The following BCAS3 variants were observed in gnomAD, a reference collection of about 807,000 sequenced individuals.
BCAS3 encodes BCAS3 microtubule associated cell migration factor.
Under a neutral mutation model 116.1 loss-of-function variants are expected in BCAS3, and 53 were observed. That is an observed-to-expected ratio of 0.46 (90% confidence interval 0.37 to 0.57). BCAS3 has a LOEUF of 0.57. Ranked by LOEUF, BCAS3 falls within the 20% of genes least tolerant of loss-of-function variation. The pLI is 0.00. For synonymous variants in BCAS3, 391 were observed against 408.2 expected (o/e 0.96, Z 0.51); for missense variants, 917 against 1,165.4 (o/e 0.79, Z 3.10).
intron 20 of BCAS3, among the ~76,000 whole-genome samples, chr17:61,075,778 T>C (rs966831992): frequency 1.3e-5 from 2 of 152,222 alleles, no homozygotes; most frequent in Admixed American, 1.3e-4. Context: ...ATTGGAAATA[T>C]AACATTCCAC....
rs180759331 is a variant in BCAS3 at position 61,349,135 on chromosome 17, G to T, written c.2426-19192G>T. Among the ~76,000 whole-genome samples, 1 of 152,292 alleles carries T rather than the reference G, an allele frequency of 6.6e-6. No homozygotes were observed. The highest frequency in any genetic ancestry group is 2.4e-5 in the African/African-American group (1 of 41,562). On this transcript the variant is annotated intron_variant, in intron 22 of 23. Transcript: ENST00000407086. This position sits in a 1 kb window ranked among gnomAD's most constrained non-coding sequence, Gnocchi z 4.7. Reference sequence around the variant, plus strand: ...CCCAAAATCCCTGGATAAGAATCCAGTCCTACCCTAGAATCACTGTGCTGG... The same window carrying T: ...CCCAAAATCCCTGGATAAGAATCCATTCCTACCCTAGAATCACTGTGCTGG...
intron 23 of BCAS3, among the ~76,000 whole-genome samples, chr17:61,371,687 A>G (rs1403010902): frequency 6.6e-6 from 1 of 152,192 alleles, no homozygotes; most frequent in African/African-American, 2.4e-5. Flanking sequence ...CATGATAAAT[A>G]TATATAATTT....
At chr17:60,916,695 G>A (rs1021034798) in intron 12 of BCAS3, among the ~76,000 whole-genome samples, 3 of 152,040 alleles carry the variant, frequency 2.0e-5, no homozygotes, top group Non-Finnish European at 4.4e-5. Flanking sequence ...AAAAAATGGG[G>A]ACATAAATTG....
At chr17:60,906,630 C>T (rs529587663) in intron 11 of BCAS3, among the ~76,000 whole-genome samples, 20 of 152,246 alleles carry the variant, frequency 1.3e-4, no homozygotes, top group African/African-American at 3.6e-4. Context: ...CTTATTCTTT[C>T]GGATTCTGAC....
chr17:60,829,696 C>G (rs2144718005), intron 7 of BCAS3, among the ~76,000 whole-genome samples: 1 of 152,188 alleles, frequency 6.6e-6, no homozygotes, highest in South Asian at 2.1e-4. Context: ...GTTGTTCTCA[C>G]TATCTTCTTC....
chr17:61,091,117 G>A (rs1180982333), intron 22 of BCAS3, among the ~76,000 whole-genome samples: 1 of 152,162 alleles, frequency 6.6e-6, no homozygotes, highest in Non-Finnish European at 1.5e-5. Context: ...GTCTTCTGAT[G>A]ACACATTGCT....
intron 22 of BCAS3, among the ~76,000 whole-genome samples, chr17:61,218,081 A>G (rs148156102): frequency 6.6e-6 from 1 of 152,208 alleles, no homozygotes; most frequent in African/African-American, 2.4e-5. Flanking sequence ...AGCCAGAACA[A>G]GAAGAACTGA....
intron 22 of BCAS3, among the ~76,000 whole-genome samples, chr17:61,306,364 G>A (rs2053856871): frequency 2.0e-5 from 3 of 152,148 alleles, no homozygotes; most frequent in African/African-American, 7.2e-5. Flanking sequence ...TAGACTGCAG[G>A]CTTAAGTATA....
intron 22 of BCAS3, among the ~76,000 whole-genome samples, chr17:61,108,281 T>A (rs766401077): frequency 6.6e-6 from 1 of 152,216 alleles, no homozygotes; most frequent in African/African-American, 2.4e-5. Flanking sequence ...TTCTAACATT[T>A]TAGTTTCAGT....
intron 22 of BCAS3, among the ~76,000 whole-genome samples, chr17:61,280,535 A>G (rs2051149734): frequency 6.6e-6 from 1 of 152,222 alleles, no homozygotes; most frequent in Non-Finnish European, 1.5e-5. Context: ...AAGATTTCAC[A>G]TCTTGTATGA....
At position 61,337,465 on chromosome 17, in the gene BCAS3, G is replaced by A. The variant is rs2056812237; in HGVS notation, c.2426-30862G>A. On this transcript the variant is annotated intron_variant, in intron 22 of 23. Transcript: ENST00000407086. The surrounding 1 kb of genome is among the most constrained non-coding windows in gnomAD (Gnocchi z 4.8). ...TTGCAGCCTCTAGGAGGAGACGCTT[G>A]GCTTTGCCCACAGCCCTCGGCCCCA... is the stretch of plus-strand genomic sequence containing the variant. Among the ~76,000 whole-genome samples, 1 of 152,058 alleles carries A rather than the reference G, an allele frequency of 6.6e-6. No homozygotes were observed. Among genetic ancestry groups the A allele is most frequent in the African/African-American group, 2.4e-5 (1 of 41,320 alleles).
At chr17:61,039,868 A>G (rs1435269533) in intron 18 of BCAS3, among the ~76,000 whole-genome samples, 1 of 152,236 alleles carries the variant, frequency 6.6e-6, no homozygotes, top group African/African-American at 2.4e-5. Flanking sequence ...ATAGAGAGTA[A>G]CATTGAGATA....
At chr17:61,271,329 T>C (rs975078070) in intron 22 of BCAS3, among the ~76,000 whole-genome samples, 1 of 149,090 alleles carries the variant, frequency 6.7e-6, no homozygotes, top group Admixed American at 6.7e-5. Flanking sequence ...GGTTTCACCA[T>C]GTTGGCCAGG....
chr17:61,212,304 C>T (rs985131845), intron 22 of BCAS3, among the ~76,000 whole-genome samples: 1 of 152,144 alleles, frequency 6.6e-6, no homozygotes. Flanking sequence ...GCAGTGTAAT[C>T]ATAGCTCACT....
rs895055241 is a variant in BCAS3, at chr17:61,239,703, T to C, written c.2426-128624T>C. On this transcript the variant is annotated intron_variant, in intron 22 of 23. Coordinates refer to ENST00000407086, the MANE Select transcript of BCAS3 (RefSeq NM_017679.5). This position sits in a 1 kb window ranked among gnomAD's most constrained non-coding sequence, Gnocchi z 4.2. ...TGGCTTTCAGAGATTAGTTTTTTCC[T>C]ACTTAAAATTAAGAACTTAAAGATT... Among the ~76,000 whole-genome samples the C allele has an allele frequency of 6.6e-6, 1 of 152,224 alleles. No individual in the cohort carries two copies. The highest frequency in any genetic ancestry group is 1.5e-5 in the Non-Finnish European group (1 of 68,044).
intron 19 of BCAS3, 127 bp from the exon 20 acceptor site, chr17:61,074,793 G>C: frequency 2.2e-6 from 1 of 462,856 alleles, no homozygotes; most frequent in Non-Finnish European, 3.8e-6. Flanking sequence ...TGTTTGAATT[G>C]CCTTTTTGCT....
chr17:61,037,599 CT>C lies in BCAS3; in HGVS notation c.1763-289del, dbSNP rs777709960. Among the ~76,000 whole-genome samples, 12 of 152,250 alleles carry C rather than the reference CT, an allele frequency of 7.9e-5. No homozygotes were observed. The East Asian group carries it at 1.7e-3, about 22-fold the overall frequency. On this transcript the variant is annotated intron_variant, in intron 17 of 23. Coordinates refer to ENST00000407086, the MANE Select transcript of BCAS3 (RefSeq NM_017679.5). This position sits in a 1 kb window ranked among gnomAD's most constrained non-coding sequence, Gnocchi z 4.7. ...CCAGCCTGACCAACACGGCGAAACC[CT>C]ATCTCTACTAAAAATACAAAAATTA...
At chr17:60,943,799 T>G (rs944402743) in intron 13 of BCAS3, among the ~76,000 whole-genome samples, 3 of 152,136 alleles carry the variant, frequency 2.0e-5, no homozygotes, top group African/African-American at 7.2e-5. Context: ...AAGTAACTTC[T>G]TGTCATAATG....
chr17:61,092,404 C>T lies in BCAS3; in HGVS notation c.2425+7840C>T, dbSNP rs572567367. 5.3e-5 allele frequency among the ~76,000 whole-genome samples: 8 copies of T among 152,194 alleles called. No individual in the cohort carries two copies. The South Asian group carries it at 6.2e-4, about 12-fold the overall frequency. On this transcript the variant is annotated intron_variant, in intron 22 of 23. Transcript: ENST00000407086. The stretch of plus-strand genomic sequence containing the variant: ...GGCATATCCCTAGTACTGGAATTGC[C>T]GGATCACAAAGTAGGCATATGTTTA...
Sources: allele counts gnomAD v4.1 joint callset (sites outside exome capture counted in the v4.1 genomes callset), GRCh38; gene constraint gnomAD v4.1.1; non-coding constraint Gnocchi (gnomAD v3.1); transcripts MANE v1.5; gene names NCBI Gene and HGNC (gene_info 2026-07-23, HGNC 2026-07-21).